TUBGCP2: variants seen among roughly 807,000 people sequenced by gnomAD.
TUBGCP2 encodes the protein gamma-tubulin complex component 2.
A neutral mutation model predicts 92.2 loss-of-function variants in TUBGCP2; 55 were observed. The ratio of observed to expected loss-of-function variants is 0.60; its 90% CI spans 0.48 to 0.75. The LOEUF (loss-of-function observed/expected upper bound fraction) is 0.75, where lower values mean the gene tolerates loss of function less well. TUBGCP2 is among the 30% of genes least tolerant of loss of function. The pLI, the probability that TUBGCP2 is intolerant of heterozygous loss-of-function variation, is 0.00. For synonymous variants in TUBGCP2, 533 were observed against 505.2 expected (o/e 1.06, Z -0.74); for missense variants, 1,093 against 1,188.9 (o/e 0.92, Z 1.19).
rs1489882130 is a variant in TUBGCP2, at chr10:133,285,165, G to T, written c.1944C>A (p.Cys648Ter). 1.9e-6 allele frequency: 3 copies of T among 1,613,604 alleles called. No individual in the cohort carries two copies. The highest frequency in any genetic ancestry group is 1.1e-5 in the South Asian group (1 of 91,044). The part of the protein sequence containing the change: ...YQMLFRHMFY[C>*]KHVERQLCSV... The stretch of plus-strand genomic sequence containing the variant: ...TGCAGAGCTGCCGCTCCACGTGCTT[G>T]CAGTAGAACATGTGCCTGAAGAGCA... Residue 648 changes from cysteine to a stop codon, truncating the protein, a stop_gained, in exon 13 of 18, where the codon TGC becomes TGA. Coordinates refer to ENST00000252936, the MANE Select transcript of TUBGCP2 (RefSeq NM_006659.4). LOFTEE classifies it high-confidence loss of function. This position sits in a 1 kb window ranked among gnomAD's most constrained non-coding sequence, Gnocchi z 6.8.
At chr10:133,307,198 G>A (rs1033893990) in intron 1 of TUBGCP2, among the ~76,000 whole-genome samples, 1 of 152,216 alleles carries the variant, frequency 6.6e-6, no homozygotes, top group Non-Finnish European at 1.5e-5. Flanking sequence ...TGATGCTCCT[G>A]AATTCTTACT....
At chr10:133,298,467 C>T (rs1323147231) in intron 4 of TUBGCP2, among the ~76,000 whole-genome samples, 1 of 152,272 alleles carries the variant, frequency 6.6e-6, no homozygotes, top group Non-Finnish European at 1.5e-5. Flanking sequence ...AGCTGAATTG[C>T]TTCTTTCTGG....
intron 17 of TUBGCP2, among the ~76,000 whole-genome samples, chr10:133,280,960 T>C (rs1418106347): frequency 9.1e-5 from 11 of 121,344 alleles, no homozygotes; most frequent in Admixed American, 6.5e-4. Context: ...GCCAGGGCGG[T>C]GTTGGGCAGG....
intron 5 of TUBGCP2, among the ~76,000 whole-genome samples, chr10:133,293,975 C>T (rs1171405918): frequency 6.6e-6 from 1 of 152,230 alleles, no homozygotes; most frequent in African/African-American, 2.4e-5. Flanking sequence ...GCCTGGGAGG[C>T]GTGGTGGCTG....
chr10:133,283,510 A>G (rs1185780523), intron 14 of TUBGCP2, among the ~76,000 whole-genome samples: 1 of 152,240 alleles, frequency 6.6e-6, no homozygotes, highest in African/African-American at 2.4e-5. Context: ...CAGATGCGCA[A>G]TGTGGGAGAG....
intron 8 of TUBGCP2, among the ~76,000 whole-genome samples, chr10:133,291,301 G>A (rs1285121846): frequency 9.2e-6 from 1 of 109,136 alleles, no homozygotes; most frequent in Non-Finnish European, 1.8e-5. Context: ...GTCCCGGGGA[G>A]CCCTACCTGT....
rs754579827 is a variant in TUBGCP2, at chr10:133,279,918, T to C, written c.2574-17A>G. Reference sequence around the variant, plus strand: ...AAGTCAAGCCTGTGAGGAAGGACAGTGGAGCTGGGGTGCACACCCCTTCTG... The same window carrying C: ...AAGTCAAGCCTGTGAGGAAGGACAGCGGAGCTGGGGTGCACACCCCTTCTG... On this transcript the variant is annotated splice_polypyrimidine_tract_variant and intron_variant, in intron 17 of 17. Coordinates refer to ENST00000252936, the MANE Select transcript of TUBGCP2 (RefSeq NM_006659.4). The C allele has an allele frequency of 1.2e-6, 2 of 1,607,808 alleles. No individual in the cohort carries two copies. Among genetic ancestry groups the C allele is most frequent in the South Asian group, 2.2e-5 (2 of 90,240 alleles).
chr10:133,309,703 G>A (rs961451694), upstream of TUBGCP2: 14 of 1,559,704 alleles, frequency 9.0e-6, no homozygotes, highest in African/African-American at 1.4e-5. Flanking sequence ...CGTCTCAAAG[G>A]GAAACTGTGC....
At chr10:133,307,419 G>A (rs1387601751) in intron 1 of TUBGCP2, among the ~76,000 whole-genome samples, 1 of 152,248 alleles carries the variant, frequency 6.6e-6, no homozygotes, top group East Asian at 1.9e-4. Flanking sequence ...AGTCTCTGTT[G>A]AGAGCTCAAA....
chr10:133,311,918 G>T, upstream of TUBGCP2: 1 of 1,613,146 alleles, frequency 6.2e-7, no homozygotes. Context: ...CACCTGGGCC[G>T]CAGCTCTTCT....
At chr10:133,298,444 C>T (rs901168522) in intron 4 of TUBGCP2, among the ~76,000 whole-genome samples, 3 of 152,260 alleles carry the variant, frequency 2.0e-5, no homozygotes, top group Non-Finnish European at 4.4e-5. Flanking sequence ...CAAAGGAGGG[C>T]GCCCTGTGAA....
intron 10 of TUBGCP2, among the ~76,000 whole-genome samples, chr10:133,288,569 C>T (rs1847193279): frequency 6.6e-6 from 1 of 152,254 alleles, no homozygotes; most frequent in Non-Finnish European, 1.5e-5. Context: ...GGCTGTGCAA[C>T]CACCACGCAA....
rs898690310 is a variant in TUBGCP2 at position 133,296,482 on chromosome 10, G to GT, written c.616+1469dup. On this transcript the variant is annotated intron_variant, in intron 5 of 17. Coordinates refer to ENST00000252936, the MANE Select transcript of TUBGCP2 (RefSeq NM_006659.4). ...AACACTGCACAAAGCAGACTGCTTT[G>GT]TTTTTTTTTTTTTGAAACAGGGTCT... Among the ~76,000 whole-genome samples, 982 of 143,530 alleles carry GT rather than the reference G, an allele frequency of 6.8e-3. 5 individuals are homozygous for GT. Among genetic ancestry groups the GT allele is most frequent in the South Asian group, 0.019 (87 of 4,512 alleles). 94.2% of individuals were successfully genotyped at this position (143,530 alleles called of 152,430 possible). A position where few individuals can be genotyped will look rare whatever the true frequency, so the allele number is the denominator to read the frequency against.
upstream of TUBGCP2, chr10:133,309,460 C>T (rs760956687): frequency 7.4e-6 from 12 of 1,612,044 alleles, no homozygotes; most frequent in Admixed American, 1.7e-5. Flanking sequence ...CCTGAGAAGC[C>T]CAGGTAAGCG....
chr10:133,299,955 C>T (rs561763530), intron 3 of TUBGCP2, 30 bp downstream of exon 3: 23 of 1,611,146 alleles, frequency 1.4e-5, no homozygotes, highest in African/African-American at 1.2e-4. Context: ...GCCGTACGGG[C>T]GCAGTGTGGC....
chr10:133,300,507 G>T (rs1028066225), intron 2 of TUBGCP2: 1 of 179,704 alleles, frequency 5.6e-6, no homozygotes, highest in African/African-American at 2.4e-5. Flanking sequence ...CTGGGAGGTT[G>T]AGACTGCAGT....
chr10:133,310,369 C>T, upstream of TUBGCP2: 2 of 1,567,018 alleles, frequency 1.3e-6, no homozygotes, highest in Non-Finnish European at 1.7e-6. Flanking sequence ...CATAGACGGT[C>T]AGACTTATTA....
chr10:133,309,949 TC>T (rs762295683), upstream of TUBGCP2: 11 of 1,613,244 alleles, frequency 6.8e-6, no homozygotes, highest in Admixed American at 1.5e-4. Flanking sequence ...GATTCGCTCT[TC>T]CAGATCCTGT....
Position 133,279,583 on chromosome 10 carries a change from G to T in TUBGCP2, c.*183C>A. On this transcript the variant is annotated 3_prime_UTR_variant, in exon 18 of 18. Coordinates refer to ENST00000252936, the MANE Select transcript of TUBGCP2 (RefSeq NM_006659.4). Reference sequence around the variant, plus strand: ...GCAAATCCAGGGAGACATCCACCCTGCCTGGGCAGCTTCTATAAAACGAAA... The same window carrying T: ...GCAAATCCAGGGAGACATCCACCCTTCCTGGGCAGCTTCTATAAAACGAAA... The T allele has an allele frequency of 1.1e-6, 1 of 882,412 alleles. No individual in the cohort carries two copies. The highest frequency in any genetic ancestry group is 1.6e-6 in the Non-Finnish European group (1 of 622,334). The allele number at this position is 882,412 out of a possible 1,614,324, so 54.7% of individuals were successfully genotyped here. A position where few individuals can be genotyped will look rare whatever the true frequency, so the allele number is the denominator to read the frequency against.
Sources: allele counts gnomAD v4.1 joint callset (sites outside exome capture counted in the v4.1 genomes callset), GRCh38; gene constraint gnomAD v4.1.1; non-coding constraint Gnocchi (gnomAD v3.1); transcripts MANE v1.5; gene names NCBI Gene and HGNC (gene_info 2026-07-23, HGNC 2026-07-21).